The following TAMALIN variants were observed in gnomAD, a reference collection of about 807,000 sequenced individuals.
TAMALIN encodes trafficking regulator and scaffold protein tamalin, also known as protein TAMALIN.
Under a neutral mutation model 38.5 loss-of-function variants are expected in TAMALIN, and 9 were observed. That is an observed-to-expected ratio of 0.23 (90% confidence interval 0.14 to 0.41). The LOEUF is 0.41. TAMALIN is among the 10% of genes least tolerant of loss of function. The pLI is 1.00. For synonymous variants in TAMALIN, 306 were observed against 256.5 expected (o/e 1.19, Z -1.85); for missense variants, 548 against 554.1 (o/e 0.99, Z 0.11).
intron 7 of TAMALIN, 66 bp from the exon 8 acceptor site, chr12:52,014,628 G>T: frequency 7.8e-7 from 1 of 1,279,144 alleles, no homozygotes; most frequent in Non-Finnish European, 1.0e-6. Context: ...CATGCCCTCC[G>T]ACCCTTTGCA....
chr12:52,010,601 G>A (rs927228831), intron 2 of TAMALIN: 12 of 1,224,968 alleles, frequency 9.8e-6, no homozygotes, highest in African/African-American at 7.8e-5. Flanking sequence ...AGCTGGGATG[G>A]GGCTAAAAAA....
At position 52,011,022 on chromosome 12, in the gene TAMALIN, C is replaced by T; in HGVS notation, c.352-17C>T. ...CTTGTCCCAACCCTGGGCTGAGGGT[C>T]CCCTTGTCCATTACAGACTTATGGC... On this transcript the variant is annotated splice_polypyrimidine_tract_variant and intron_variant, in intron 3 of 7. Coordinates refer to ENST00000293662, the MANE Select transcript of TAMALIN (RefSeq NM_181711.4). The surrounding 1 kb of genome is among the most constrained non-coding windows in gnomAD (Gnocchi z 5.3). The T allele has an allele frequency of 6.2e-7, 1 of 1,613,824 alleles. No individual in the cohort carries two copies.
rs1937760982 is a variant in TAMALIN at position 52,014,923 on chromosome 12, G to A, written c.912G>A (p.Pro304=). 1.9e-6 allele frequency: 2 copies of A among 1,059,380 alleles called. No individual in the cohort carries two copies. Among genetic ancestry groups the A allele is most frequent in the Non-Finnish European group, 2.3e-6 (2 of 877,956 alleles). 65.6% of individuals were successfully genotyped at this position (1,059,380 alleles called of 1,614,324 possible). A position where few individuals can be genotyped will look rare whatever the true frequency, so the allele number is the denominator to read the frequency against. ...CGGCGCTGCCGCCCCCGCCGCCCCCGGCCCGCGCCTTCGGCCCGGGCCCCG... is the reference window on the plus strand; with the variant it reads ...CGGCGCTGCCGCCCCCGCCGCCCCCAGCCCGCGCCTTCGGCCCGGGCCCCG... The part of the protein sequence containing the change: ...EPPALPPPPP[P]ARAFGPGPAE... The change falls in exon 8 of 8, where the codon CCG becomes CCA. Residue 304 remains proline, a synonymous_variant. Transcript: ENST00000293662.
In TAMALIN at chr12:52,014,963, G is replaced by C. The variant is rs905000337; in HGVS notation, c.952G>C (p.Val318Leu). Residue 318 changes from valine (V) to leucine (L), a missense_variant, in exon 8 of 8, where the codon GTG becomes CTG. Transcript: ENST00000293662. Reference protein sequence around the residue: ...FGPGPAETPAVGPGPGPRAAL... With the variant: ...FGPGPAETPALGPGPGPRAAL... ...CCCGGGCCCCGCCGAGACCCCTGCC[G>C]TGGGGCCGGGCCCTGGGCCGCGGGC... The C allele has an allele frequency of 1.7e-4, 166 of 972,066 alleles. No homozygotes were observed. Among genetic ancestry groups the C allele is most frequent in the Non-Finnish European group, 2.0e-4 (162 of 818,382 alleles). 60.2% of individuals were successfully genotyped at this position (972,066 alleles called of 1,614,324 possible). A position where few individuals can be genotyped will look rare whatever the true frequency, so the allele number is the denominator to read the frequency against.
rs765821304 is a variant in TAMALIN at position 52,010,866 on chromosome 12, C to T, written c.297-15C>T. On this transcript the variant is annotated splice_polypyrimidine_tract_variant and intron_variant, in intron 2 of 7. Coordinates refer to ENST00000293662, the MANE Select transcript of TAMALIN (RefSeq NM_181711.4). ...CTTTTAATCCTAATTGTCTTGACCC[C>T]TGTGTCTCTTGCAGGAAAGTGCTGA... 1 of 1,613,816 alleles carries T rather than the reference C, an allele frequency of 6.2e-7. No individual in the cohort carries two copies. The highest frequency in any genetic ancestry group is 2.2e-5 in the East Asian group (1 of 44,860).
chr12:52,013,496 T>G (rs1592273628), intron 4 of TAMALIN, 191 bp from the exon 5 acceptor site: 2 of 593,654 alleles, frequency 3.4e-6, no homozygotes, highest in African/African-American at 1.9e-5. Flanking sequence ...ATGGCTGTGG[T>G]TCTGTGTGTT....
chr12:52,015,328 C>A lies in TAMALIN; in HGVS notation c.*129C>A. 1 of 1,164,830 alleles carries A rather than the reference C, an allele frequency of 8.6e-7. No homozygotes were observed. Among genetic ancestry groups the A allele is most frequent in the Non-Finnish European group, 1.1e-6 (1 of 879,160 alleles). 72.2% of individuals were successfully genotyped at this position (1,164,830 alleles called of 1,614,324 possible). ...GAGAGGGTCCTTCCTAGCCTCGGCC[C>A]GCCGGGTCGGTTCCTGGCTGGTGTC... On this transcript the variant is annotated 3_prime_UTR_variant, in exon 8 of 8. Coordinates refer to ENST00000293662, the MANE Select transcript of TAMALIN (RefSeq NM_181711.4).
In TAMALIN at chr12:52,009,216, C is replaced by T. The variant is rs766298830; in HGVS notation, c.273C>T (p.Leu91=). 3 of 1,614,088 alleles carry T rather than the reference C, an allele frequency of 1.9e-6. No homozygotes were observed. The highest frequency in any genetic ancestry group is 2.5e-6 in the Non-Finnish European group (3 of 1,179,994). ...GCTCAGGATTCCGCTGGAAGAATCT[C>T]AGCCAGAGTCCTGAACAGCAGCGGT... ...RKGSGFRWKN[L]SQSPEQQRKV... Residue 91 remains leucine, a synonymous_variant, in exon 2 of 8, where the codon CTC becomes CTT. Transcript: ENST00000293662.
In TAMALIN at chr12:52,007,321, G is replaced by A; in HGVS notation, c.246+56G>A. 7.4e-7 allele frequency: 1 copy of A among 1,356,944 alleles called. No individual in the cohort carries two copies. Among genetic ancestry groups the A allele is most frequent in the East Asian group, 2.8e-5 (1 of 35,428 alleles). 84.1% of individuals were successfully genotyped at this position (1,356,944 alleles called of 1,614,324 possible). A position where few individuals can be genotyped will look rare whatever the true frequency, so the allele number is the denominator to read the frequency against. ...TCAGCCCCTCTCCGACTCCCTACAG[G>A]GCCTGCTGACTCCGCAGTGCCCTCT... On this transcript the variant is annotated intron_variant, in intron 1 of 7. Transcript: ENST00000293662. This position sits in a 1 kb window ranked among gnomAD's most constrained non-coding sequence, Gnocchi z 6.7.
chr12:52,011,148 C>A lies in TAMALIN; in HGVS notation c.454+7C>A. The A allele has an allele frequency of 6.2e-7, 1 of 1,610,802 alleles. No individual in the cohort carries two copies. Among genetic ancestry groups the A allele is most frequent in the Non-Finnish European group, 8.5e-7 (1 of 1,179,976 alleles). ...CTGGCTGGGCTCACACCAGGTGGGG[C>A]CTGAGCCCAGGACACCCAGGTCTGG... On this transcript the variant is annotated splice_region_variant and intron_variant, in intron 4 of 7. Transcript: ENST00000293662. This position sits in a 1 kb window ranked among gnomAD's most constrained non-coding sequence, Gnocchi z 5.3.
chr12:52,015,546 C>T lies in TAMALIN; in HGVS notation c.*347C>T. ...GGATGGGAACCCTGTCCCATGAAGCCCTCTCCTCAGCTTTACTTGCTCCCC... is the reference window on the plus strand; with the variant it reads ...GGATGGGAACCCTGTCCCATGAAGCTCTCTCCTCAGCTTTACTTGCTCCCC... On this transcript the variant is annotated 3_prime_UTR_variant, in exon 8 of 8. Coordinates refer to ENST00000293662, the MANE Select transcript of TAMALIN (RefSeq NM_181711.4). 4.6e-6 allele frequency: 1 copy of T among 218,310 alleles called. No homozygotes were observed. Among genetic ancestry groups the T allele is most frequent in the South Asian group, 6.5e-5 (1 of 15,478 alleles). 13.5% of individuals were successfully genotyped at this position (218,310 alleles called of 1,614,324 possible).
rs896413817 is a variant in TAMALIN at position 52,014,992 on chromosome 12, G to T, written c.981G>T (p.Ala327=). ...GGCCGGGCCCTGGGCCGCGGGCCGC[G>T]CTGAGCCGCAGCGCCAGTGTGCGGT... The part of the protein sequence containing the change: ...AVGPGPGPRA[A]LSRSASVRCA... Residue 327 remains alanine (A), a synonymous_variant, in exon 8 of 8, where the codon GCG becomes GCT. Coordinates refer to ENST00000293662, the MANE Select transcript of TAMALIN (RefSeq NM_181711.4). The T allele has an allele frequency of 4.0e-5, 40 of 992,342 alleles. No homozygotes were observed. In the Admixed American group the frequency reaches 4.9e-4, roughly 12 times the overall value. 61.5% of individuals were successfully genotyped at this position (992,342 alleles called of 1,614,324 possible). A position where few individuals can be genotyped will look rare whatever the true frequency, so the allele number is the denominator to read the frequency against.
chr12:52,008,307 G>T, intron 1 of TAMALIN: 2 of 985,278 alleles, frequency 2.0e-6, no homozygotes, highest in Non-Finnish European at 2.4e-6. Context: ...CTCTGGGACT[G>T]GACCTCCTCC....
At chr12:52,013,075 C>CTTTT (rs3035021) in intron 4 of TAMALIN, among the ~76,000 whole-genome samples, 10 of 124,416 alleles carry the variant, frequency 8.0e-5, no homozygotes, top group African/African-American at 1.2e-4. Flanking sequence ...GACAGAACTT[C>CTTTT]TTTTTTTTTT....
At position 52,015,096 on chromosome 12, in the gene TAMALIN, G is replaced by A. The variant is rs760072380; in HGVS notation, c.1085G>A (p.Gly362Asp). Residue 362 changes from glycine to aspartate, a missense_variant, in exon 8 of 8, where the codon GGC becomes GAC. Gly to Asp is a moderately conservative substitution (Grantham distance 94). Coordinates refer to ENST00000293662, the MANE Select transcript of TAMALIN (RefSeq NM_181711.4). ...WTEAREQALC[G>D]PGLRKTKYRS... ...GAGGCTCGCGAGCAGGCCCTATGCG[G>A]CCCCGGCCTGCGCAAAACCAAGTAC... 17 of 1,559,574 alleles carry A rather than the reference G, an allele frequency of 1.1e-5. No homozygotes were observed. Among genetic ancestry groups the A allele is most frequent in the Non-Finnish European group, 1.4e-5 (16 of 1,160,672 alleles).
chr12:52,012,105 G>A (rs1461246741), intron 4 of TAMALIN, among the ~76,000 whole-genome samples: 1 of 152,190 alleles, frequency 6.6e-6, no homozygotes, highest in Non-Finnish European at 1.5e-5. Flanking sequence ...TGCAAGAGTG[G>A]TGAGTAGGCA....
At position 52,013,521 on chromosome 12, in the gene TAMALIN, G is replaced by A. The variant is rs1937709728; in HGVS notation, c.455-166G>A. On this transcript the variant is annotated intron_variant, in intron 4 of 7. Transcript: ENST00000293662. Reference sequence around the variant, plus strand: ...TTCTGTGTGTTTGGATCGAGTATGAGAGATGTCAGAGGAGATCTACAGAGA... The same window carrying A: ...TTCTGTGTGTTTGGATCGAGTATGAAAGATGTCAGAGGAGATCTACAGAGA... 80 of 627,884 alleles carry A rather than the reference G, an allele frequency of 1.3e-4. 2 individuals are homozygous for A. The South Asian group carries it at 1.4e-3, about 11-fold the overall frequency. 38.9% of individuals were successfully genotyped at this position (627,884 alleles called of 1,614,324 possible).
chr12:52,015,080 GA>G lies in TAMALIN; in HGVS notation c.1070del (p.Glu357GlyfsTer58). ...GGGCGCGCTCTGGACTGAGGCTCGC[GA>G]GCAGGCCCTATGCGGCCCCGGCCTG... ...APGALWTEAR[E>X]QALCGPGLRK... On this transcript the variant is annotated frameshift_variant, in exon 8 of 8. Transcript: ENST00000293662. LOFTEE classifies it high-confidence loss of function. 1 of 1,515,694 alleles carries G rather than the reference GA, an allele frequency of 6.6e-7. No individual in the cohort carries two copies. The highest frequency in any genetic ancestry group is 8.8e-7 in the Non-Finnish European group (1 of 1,140,392). 93.9% of individuals were successfully genotyped at this position (1,515,694 alleles called of 1,614,324 possible).
intron 2 of TAMALIN, 87 bp from the exon 3 acceptor site, chr12:52,010,794 A>C: frequency 7.3e-7 from 1 of 1,367,174 alleles, no homozygotes; most frequent in Non-Finnish European, 1.0e-6. Flanking sequence ...AATGTTCTAG[A>C]CCAGTTGCCA....
Sources: gnomAD v4.1 joint callset for allele counts (sites outside exome capture counted in the v4.1 genomes callset) on GRCh38, gnomAD v4.1.1 for gene constraint, Gnocchi (gnomAD v3.1) non-coding constraint, MANE v1.5 for transcripts, NCBI Gene and HGNC (gene_info 2026-07-23, HGNC 2026-07-21) for gene names.